The following KCNJ6 variants were observed in gnomAD, a reference collection of about 807,000 sequenced individuals.
KCNJ6 encodes the protein potassium inwardly rectifying channel subfamily J member 6, also known as G protein-activated inward rectifier potassium channel 2.
A neutral mutation model predicts 34.2 loss-of-function variants in KCNJ6; 9 were observed. The ratio of observed to expected loss-of-function variants is 0.26; its 90% CI spans 0.16 to 0.46. The LOEUF is 0.46. KCNJ6 is among the 20% of genes least tolerant of loss of function. The probability of loss-of-function intolerance (pLI) is 1.00; values close to 1 mark genes in which losing one functional copy is unlikely to be tolerated. For synonymous variants in KCNJ6, 196 were observed against 207.1 expected (o/e 0.95, Z 0.46); for missense variants, 236 against 531.3 (o/e 0.44, Z 5.46).
At chr21:37,748,836 G>A (rs1357517254) in intron 2 of KCNJ6, among the ~76,000 whole-genome samples, 1 of 152,126 alleles carries the variant, frequency 6.6e-6, no homozygotes, top group Non-Finnish European at 1.5e-5. Context: ...CGCAAAACTC[G>A]GGAGCCCAGG....
At chr21:37,772,178 A>G (rs1317621519) in intron 2 of KCNJ6, among the ~76,000 whole-genome samples, 1 of 152,196 alleles carries the variant, frequency 6.6e-6, no homozygotes, top group African/African-American at 2.4e-5. Flanking sequence ...CCAAAAATTA[A>G]AGAGTGCCCC....
At position 37,714,141 on chromosome 21, in the gene KCNJ6, A is replaced by G. The variant is rs1233205642; in HGVS notation, c.946+70T>C. On this transcript the variant is annotated intron_variant, in intron 3 of 3. Coordinates refer to ENST00000609713, the MANE Select transcript of KCNJ6 (RefSeq NM_002240.5). This position sits in a 1 kb window ranked among gnomAD's most constrained non-coding sequence, Gnocchi z 5.9. The stretch of plus-strand genomic sequence containing the variant: ...TTCAGTATTCTAGATCTTGTAATAG[A>G]TAAGAACATCAGGTCCAGTTTAAAA... The G allele has an allele frequency of 7.4e-6, 8 of 1,076,882 alleles. No individual in the cohort carries two copies. The highest frequency in any genetic ancestry group is 4.7e-5 in the African/African-American group (3 of 63,712). The allele number at this position is 1,076,882 out of a possible 1,614,324, so 66.7% of individuals were successfully genotyped here. A position where few individuals can be genotyped will look rare whatever the true frequency, so the allele number is the denominator to read the frequency against.
At chr21:37,764,621 C>T (rs891913277) in intron 2 of KCNJ6, among the ~76,000 whole-genome samples, 3 of 152,138 alleles carry the variant, frequency 2.0e-5, no homozygotes, top group Non-Finnish European at 4.4e-5. Flanking sequence ...TCAGGTGATC[C>T]ACCCACCTCA....
chr21:37,776,851 C>T (rs1457107938), intron 2 of KCNJ6, among the ~76,000 whole-genome samples: 6 of 152,164 alleles, frequency 3.9e-5, no homozygotes, highest in East Asian at 1.9e-4. Flanking sequence ...ATCAGGATGA[C>T]GCTGGCCTCA....
At chr21:37,772,860 G>C (rs1378670707) in intron 2 of KCNJ6, among the ~76,000 whole-genome samples, 1 of 152,112 alleles carries the variant, frequency 6.6e-6, no homozygotes, top group East Asian at 1.9e-4. Flanking sequence ...TCTTTATGCT[G>C]TATTAAATGT....
chr21:37,715,365 C>A (rs572186116), intron 2 of KCNJ6, among the ~76,000 whole-genome samples: 2 of 152,344 alleles, frequency 1.3e-5, no homozygotes, highest in South Asian at 2.1e-4. Context: ...CCCACCAGGA[C>A]GGAGCTTATT....
chr21:37,697,595 G>A (rs1421560529), intron 3 of KCNJ6, among the ~76,000 whole-genome samples: 1 of 152,178 alleles, frequency 6.6e-6, no homozygotes, highest in South Asian at 2.1e-4. Flanking sequence ...CCACATCTTA[G>A]GGTCTTTGTG....
At chr21:37,627,028 C>T (rs562006552) in intron 3 of KCNJ6, among the ~76,000 whole-genome samples, 203 of 152,230 alleles carry the variant, frequency 1.3e-3, no homozygotes, top group Middle Eastern at 6.8e-3. Context: ...ATAAGTATTA[C>T]GCAGCTGCTT....
chr21:37,721,764 T>C (rs1191713340), intron 2 of KCNJ6, among the ~76,000 whole-genome samples: 1 of 152,194 alleles, frequency 6.6e-6, no homozygotes, highest in Non-Finnish European at 1.5e-5. Flanking sequence ...TAAAACACTG[T>C]GGAAACAGAG....
chr21:37,629,488 A>G (rs2054324756), intron 3 of KCNJ6, among the ~76,000 whole-genome samples: 1 of 152,164 alleles, frequency 6.6e-6, no homozygotes, highest in African/African-American at 2.4e-5. Flanking sequence ...AGAGTTAATC[A>G]AATTAAAATA....
chr21:37,864,186 AC>A (rs921349979), intron 1 of KCNJ6, among the ~76,000 whole-genome samples: 1 of 151,704 alleles, frequency 6.6e-6, no homozygotes, highest in Non-Finnish European at 1.5e-5. Context: ...ATCTTGGCTG[AC>A]TGCAATCTCT....
At chr21:37,820,249 C>T (rs1021794230) in intron 2 of KCNJ6, among the ~76,000 whole-genome samples, 3 of 152,170 alleles carry the variant, frequency 2.0e-5, no homozygotes, top group East Asian at 1.9e-4. Context: ...AGCGCTGACC[C>T]ATTTATGTGG....
rs889668853 is a variant in KCNJ6, at chr21:37,612,563, T to C, written c.*12596A>G. ...AGACGATGTGGTGTTGGTGAAGGAA[T>C]AGACAAATAGATCAGTGGAACAGAA... On this transcript the variant is annotated 3_prime_UTR_variant, in exon 4 of 4. Transcript: ENST00000609713. 2.0e-5 allele frequency: 3 copies of C among 152,122 alleles called. No homozygotes were observed. The highest frequency in any genetic ancestry group is 7.2e-5 in the African/African-American group (3 of 41,422). The allele number at this position is 152,122 out of a possible 1,614,324, so 9.4% of individuals were successfully genotyped here.
intron 2 of KCNJ6, among the ~76,000 whole-genome samples, chr21:37,775,275 A>G (rs1156915141): frequency 1.3e-5 from 2 of 152,162 alleles, no homozygotes; most frequent in Non-Finnish European, 1.5e-5. Flanking sequence ...AGTAGATTGC[A>G]AAAATTTTCT....
intron 1 of KCNJ6, among the ~76,000 whole-genome samples, chr21:37,856,522 A>T (rs2055566080): frequency 6.6e-6 from 1 of 152,134 alleles, no homozygotes; most frequent in Non-Finnish European, 1.5e-5. Context: ...GACTAGGTGA[A>T]CTTCAAGTCA....
In KCNJ6 at chr21:37,838,912, A is replaced by G. The variant is rs926016180; in HGVS notation, c.25+1746T>C. ...GTGATACTGAGTAAGTGCTCGAGAG[A>G]TCCAGTTGTTTAAAAGTGTATGGAA... On this transcript the variant is annotated intron_variant, in intron 2 of 3. Coordinates refer to ENST00000609713, the MANE Select transcript of KCNJ6 (RefSeq NM_002240.5). Among the ~76,000 whole-genome samples the G allele has an allele frequency of 3.3e-5, 5 of 152,174 alleles. No homozygotes were observed. In the East Asian group the frequency reaches 5.8e-4, roughly 18 times the overall value.
intron 1 of KCNJ6, among the ~76,000 whole-genome samples, chr21:37,847,965 A>G (rs1385167487): frequency 6.6e-6 from 1 of 152,154 alleles, no homozygotes; most frequent in African/African-American, 2.4e-5. Flanking sequence ...AAATGGCATG[A>G]GGAAAGGTGG....
intron 2 of KCNJ6, among the ~76,000 whole-genome samples, chr21:37,807,324 T>C (rs2055298333): frequency 1.3e-5 from 2 of 152,216 alleles, no homozygotes; most frequent in South Asian, 4.1e-4. Context: ...GTACAAGCTA[T>C]AATTAAATCA....
chr21:37,683,570 G>A (rs557614672), intron 3 of KCNJ6, among the ~76,000 whole-genome samples: 2 of 152,278 alleles, frequency 1.3e-5, no homozygotes, highest in Admixed American at 6.5e-5. Flanking sequence ...TAGGTGCACT[G>A]TCTCTTTAAG....
Sources: allele counts gnomAD v4.1 joint callset (sites outside exome capture counted in the v4.1 genomes callset), GRCh38; gene constraint gnomAD v4.1.1; non-coding constraint Gnocchi (gnomAD v3.1); transcripts MANE v1.5; gene names NCBI Gene and HGNC (gene_info 2026-07-23, HGNC 2026-07-21).